Variants in ALPK3 observed in about 807,000 individuals in gnomAD.
ALPK3 encodes the protein alpha-protein kinase 3.
ALPK3 carries 102 observed loss-of-function variants against 140.0 expected under a neutral mutation model. The ratio of observed to expected loss-of-function variants is 0.73; its 90% CI spans 0.62 to 0.86. ALPK3 has a LOEUF of 0.86. Ranked by LOEUF, ALPK3 falls within the 40% of genes least tolerant of loss-of-function variation. ALPK3 has a pLI of 0.00. For missense variants in ALPK3, 2,254 were observed against 2,208.2 expected (o/e 1.02, Z -0.42); for synonymous variants, 938 against 898.5 (o/e 1.04, Z -0.79).
At chr15:84,844,643 G>A (rs763190320) in intron 5 of ALPK3, among the ~76,000 whole-genome samples, 16 of 152,160 alleles carry the variant, frequency 1.1e-4, no homozygotes, top group Non-Finnish European at 1.9e-4. Flanking sequence ...GATCACCTGA[G>A]GTCAGGAGTT....
chr15:84,823,671 A>G (rs1448183181), intron 2 of ALPK3, among the ~76,000 whole-genome samples: 4 of 152,154 alleles, frequency 2.6e-5, no homozygotes, highest in South Asian at 2.1e-4. Context: ...TGGGAACAGA[A>G]CAGAGAGCCA....
At chr15:84,850,411 C>T (rs888005023) in intron 5 of ALPK3, among the ~76,000 whole-genome samples, 4 of 152,126 alleles carry the variant, frequency 2.6e-5, no homozygotes, top group African/African-American at 9.7e-5. Flanking sequence ...GAGACAGGGT[C>T]TTACTCTATT....
At chr15:84,854,068 C>T (rs1163369729) in intron 5 of ALPK3, among the ~76,000 whole-genome samples, 1 of 151,824 alleles carries the variant, frequency 6.6e-6, no homozygotes, top group East Asian at 1.9e-4. Flanking sequence ...TTAAATTCTA[C>T]ACTTAATTTA....
intron 5 of ALPK3, among the ~76,000 whole-genome samples, chr15:84,850,250 G>A (rs371485958): frequency 5.1e-4 from 78 of 152,290 alleles, no homozygotes; most frequent in African/African-American, 1.8e-3. Flanking sequence ...TTCCAAACCA[G>A]CATTCCAGGG....
At position 84,840,223 on chromosome 15, in the gene ALPK3, A is replaced by G; in HGVS notation, c.944A>G (p.Lys315Arg). ...QRALKEESGA[K>R]KKKKDEESKQ... ...GCCCTCAAAGAGGAGAGTGGGGCCA[A>G]GAAGAAAAAGAAAGATGAGGAATCC... The change falls in exon 5 of 14, where the codon AAG becomes AGG. Residue 315 changes from lysine to arginine, a missense_variant. Transcript: ENST00000258888. 6.2e-7 allele frequency: 1 copy of G among 1,613,866 alleles called. No individual in the cohort carries two copies. The highest frequency in any genetic ancestry group is 8.5e-7 in the Non-Finnish European group (1 of 1,180,018).
intron 5 of ALPK3, among the ~76,000 whole-genome samples, chr15:84,855,748 G>A (rs1314412637): frequency 1.3e-5 from 2 of 152,232 alleles, no homozygotes; most frequent in African/African-American, 4.8e-5. Flanking sequence ...TGAGGAGTAA[G>A]TGGGGTAATA....
chr15:84,823,976 T>C (rs955580907), intron 2 of ALPK3, among the ~76,000 whole-genome samples: 1 of 152,258 alleles, frequency 6.6e-6, no homozygotes, highest in African/African-American at 2.4e-5. Context: ...CCTAAAGTGC[T>C]GGGATTACAG....
intron 9 of ALPK3, among the ~76,000 whole-genome samples, chr15:84,862,140 A>T (rs1567095196): frequency 6.6e-6 from 1 of 152,126 alleles, no homozygotes; most frequent in Non-Finnish European, 1.5e-5. Context: ...GGGAAATTAT[A>T]TTTAGCGGTC....
At chr15:84,837,878 A>G (rs1255956445) in intron 3 of ALPK3, among the ~76,000 whole-genome samples, 1 of 152,172 alleles carries the variant, frequency 6.6e-6, no homozygotes, top group Non-Finnish European at 1.5e-5. Context: ...TACTCTTTTG[A>G]AGCTAAATTT....
intron 2 of ALPK3, among the ~76,000 whole-genome samples, chr15:84,826,390 A>G (rs1244750472): frequency 6.6e-6 from 1 of 151,670 alleles, no homozygotes; most frequent in Non-Finnish European, 1.5e-5. Context: ...CTTTCTCACT[A>G]CAGTTTCTCC....
chr15:84,850,217 G>A (rs1045347057), intron 5 of ALPK3, among the ~76,000 whole-genome samples: 9 of 152,140 alleles, frequency 5.9e-5, no homozygotes, highest in African/African-American at 2.2e-4. Flanking sequence ...TCCCTGTTAA[G>A]GTCCTGGTTT....
Position 84,840,796 on chromosome 15 carries a change from C to A in ALPK3, c.1517C>A (p.Pro506Gln). The change falls in exon 5 of 14, where the codon CCA becomes CAA. Residue 506 changes from proline to glutamine, a missense_variant. Around this residue, in one of 3 missense-constraint regions of ALPK3, gnomAD observed 2,088 missense variants for 2,022.9 expected, o/e 1.03. Coordinates refer to ENST00000258888, the MANE Select transcript of ALPK3 (RefSeq NM_020778.5). Reference sequence around the variant, plus strand: ...CCCATTTCTTCTCTGAGTCAAGCTCCAGAATGCGGGGCCCAGAGCTTAGGA... The same window carrying A: ...CCCATTTCTTCTCTGAGTCAAGCTCAAGAATGCGGGGCCCAGAGCTTAGGA... ...SKPISSLSQA[P>Q]ECGAQSLGKA... 6.2e-7 allele frequency: 1 copy of A among 1,614,236 alleles called. No homozygotes were observed. The highest frequency in any genetic ancestry group is 8.5e-7 in the Non-Finnish European group (1 of 1,180,040).
chr15:84,856,819 A>G lies in ALPK3; in HGVS notation c.2081A>G (p.Glu694Gly). ...GCCCAGGCAGATAAGGGCACACAGG[A>G]AGACAGAAGGATGCAGGGAGAGAAG... ...RKAQADKGTQ[E>G]DRRMQGEKGM... is the part of the protein sequence containing the mutation. Residue 694 changes from glutamate to glycine, a missense_variant, in exon 6 of 14, where the codon GAA (glutamate) becomes GGA (glycine). By Grantham distance (98) the Glu-to-Gly change is moderately conservative. Transcript: ENST00000258888. 3.7e-6 allele frequency: 6 copies of G among 1,614,066 alleles called. No individual in the cohort carries two copies. The highest frequency in any genetic ancestry group is 5.1e-6 in the Non-Finnish European group (6 of 1,179,990).
chr15:84,864,668 A>G lies in ALPK3; in HGVS notation c.4723+3A>G. ...CTTCCTTGTCACAGACTTGGCAGGT[A>G]CGAGGGTGTGAGGGTGCACGGGTAC... On this transcript the variant is annotated splice_donor_region_variant and intron_variant, in intron 12 of 13. Transcript: ENST00000258888. 1 of 1,613,668 alleles carries G rather than the reference A, an allele frequency of 6.2e-7. No individual in the cohort carries two copies. Among genetic ancestry groups the G allele is most frequent in the Non-Finnish European group, 8.5e-7 (1 of 1,179,544 alleles).
Position 84,838,912 on chromosome 15 carries a change from G to A in ALPK3, c.305-68G>A, listed in dbSNP as rs548397828. 159 of 1,411,024 alleles carry A rather than the reference G, an allele frequency of 1.1e-4. 4 individuals are homozygous for A. In the South Asian group the frequency reaches 1.7e-3, roughly 16 times the overall value. The allele number at this position is 1,411,024 out of a possible 1,614,324, so 87.4% of individuals were successfully genotyped here. A position where few individuals can be genotyped will look rare whatever the true frequency, so the allele number is the denominator to read the frequency against. On this transcript the variant is annotated intron_variant, in intron 3 of 13. Transcript: ENST00000258888. ...GCTGGGATTACAGGCGTGAGCCACC[G>A]TGCCCGGCCTCTTCCCATTATTTTG... is the stretch of plus-strand genomic sequence containing the variant.
intron 5 of ALPK3, among the ~76,000 whole-genome samples, chr15:84,854,373 C>T (rs1459648719): frequency 6.6e-6 from 1 of 152,010 alleles, no homozygotes; most frequent in Non-Finnish European, 1.5e-5. Flanking sequence ...CTGCAACCTC[C>T]GCCCCCGGGT....
chr15:84,863,003 C>A, intron 10 of ALPK3, 88 bp downstream of exon 10: 1 of 1,523,312 alleles, frequency 6.6e-7, no homozygotes, highest in South Asian at 1.3e-5. Flanking sequence ...TGCCCAGTAT[C>A]GAGGCAGAAG....
chr15:84,857,818 C>T lies in ALPK3; in HGVS notation c.3080C>T (p.Ala1027Val). 6.2e-7 allele frequency: 1 copy of T among 1,611,140 alleles called. No individual in the cohort carries two copies. The highest frequency in any genetic ancestry group is 8.5e-7 in the Non-Finnish European group (1 of 1,178,196). The change falls in exon 6 of 14, where the codon GCA (alanine) becomes GTA (valine). Residue 1027 changes from alanine to valine, a missense_variant. Ala to Val is a moderately conservative substitution (Grantham distance 64). This residue lies in a region of ALPK3 where 2,088 missense variants were observed against 2,022.9 expected (regional missense o/e 1.03). Coordinates refer to ENST00000258888, the MANE Select transcript of ALPK3 (RefSeq NM_020778.5). ...GAGAACAACCACCTGGTGCAGAGTG[C>T]ACAGACCCTGCTGCTGAGCCCCTGT... is the stretch of plus-strand genomic sequence containing the variant. ...RVENNHLVQS[A>V]QTLLLSPCTS...
intron 5 of ALPK3, among the ~76,000 whole-genome samples, chr15:84,843,044 C>T (rs1172655302): frequency 6.6e-6 from 1 of 152,216 alleles, no homozygotes; most frequent in East Asian, 1.9e-4. Flanking sequence ...CAGATGGTGG[C>T]ATCCTCCTGG....
Sources: allele counts gnomAD v4.1 joint callset (sites outside exome capture counted in the v4.1 genomes callset), GRCh38; gene constraint gnomAD v4.1.1; regional missense constraint gnomAD v4.1.1; transcripts MANE v1.5; gene names NCBI Gene and HGNC (gene_info 2026-07-23, HGNC 2026-07-21).